Variants in CACNA2D4 observed in about 807,000 individuals in gnomAD.
CACNA2D4 encodes the protein calcium voltage-gated channel auxiliary subunit alpha2delta 4.
CACNA2D4 carries 157 observed loss-of-function variants against 163.8 expected under a neutral mutation model. That is an observed-to-expected ratio of 0.96 (90% CI 0.84 to 1.09). The LOEUF is 1.09. Ranked by LOEUF, CACNA2D4 falls within the 50% of genes least tolerant of loss-of-function variation. The pLI is 0.00. For synonymous variants in CACNA2D4, 598 were observed against 586.9 expected (o/e 1.02, Z -0.27); for missense variants, 1,410 against 1,479.9 (o/e 0.95, Z 0.78).
intron 26 of CACNA2D4, among the ~76,000 whole-genome samples, chr12:1,831,829 C>T (rs1395427472): frequency 1.4e-5 from 2 of 145,834 alleles, no homozygotes; most frequent in Non-Finnish European, 3.0e-5. Context: ...AACTGGATCT[C>T]CCTTTCTTAG....
At chr12:1,827,807 T>A in intron 26 of CACNA2D4, 1 of 298,334 alleles carries the variant, frequency 3.4e-6, no homozygotes, top group Non-Finnish European at 6.2e-6. Context: ...AGAAGGCAGA[T>A]GAGGCTGGGT....
rs1863104526 is a variant in CACNA2D4, at chr12:1,795,799, G to A, written c.3114-19C>T. On this transcript the variant is annotated intron_variant, in intron 35 of 37. Transcript: ENST00000382722. Reference sequence around the variant, plus strand: ...AAATACCCTGCAGCAAAGAAAGGGAGTCGAGGATGGCTCCGTGGCGACCAC... The same window carrying A: ...AAATACCCTGCAGCAAAGAAAGGGAATCGAGGATGGCTCCGTGGCGACCAC... 1.3e-6 allele frequency: 2 copies of A among 1,498,058 alleles called. No homozygotes were observed. Among genetic ancestry groups the A allele is most frequent in the Non-Finnish European group, 1.9e-6 (2 of 1,074,138 alleles). 92.8% of individuals were successfully genotyped at this position (1,498,058 alleles called of 1,614,324 possible).
intron 20 of CACNA2D4, among the ~76,000 whole-genome samples, chr12:1,857,462 T>G (rs1865424758): frequency 6.6e-6 from 1 of 152,162 alleles, no homozygotes; most frequent in Non-Finnish European, 1.5e-5. Context: ...GGAGAACAGC[T>G]GGAAGCTACT....
intron 6 of CACNA2D4, among the ~76,000 whole-genome samples, chr12:1,904,413 T>C (rs1866607319): frequency 1.4e-4 from 1 of 6,980 alleles, no homozygotes; most frequent in African/African-American, 2.1e-3. Flanking sequence ...CTTGAGGCAA[T>C]GGTATCCCAT....
At chr12:1,835,380 C>G (rs1296895731) in intron 26 of CACNA2D4, 1 of 152,596 alleles carries the variant, frequency 6.6e-6, no homozygotes, top group East Asian at 1.9e-4. Context: ...ACTCACACAC[C>G]CATTGCATCA....
At chr12:1,797,596 C>A in intron 34 of CACNA2D4, 61 bp from the exon 35 acceptor site, 1 of 1,259,954 alleles carries the variant, frequency 7.9e-7, no homozygotes. Context: ...GTGACCTCGC[C>A]TCGGCACTCC....
At chr12:1,877,450 C>T (rs1865906032) in intron 16 of CACNA2D4, among the ~76,000 whole-genome samples, 1 of 152,192 alleles carries the variant, frequency 6.6e-6, no homozygotes, top group Non-Finnish European at 1.5e-5. Flanking sequence ...GAGTGGCTTC[C>T]AGTGTGCCCT....
rs1312814894 is a variant in CACNA2D4, at chr12:1,918,584, C to T, written c.-111G>A. The T allele has an allele frequency of 9.1e-6, 7 of 768,932 alleles. No homozygotes were observed. Among genetic ancestry groups the T allele is most frequent in the Non-Finnish European group, 1.5e-5 (7 of 472,260 alleles). The allele number at this position is 768,932 out of a possible 1,614,324, so 47.6% of individuals were successfully genotyped here. A position where few individuals can be genotyped will look rare whatever the true frequency, so the allele number is the denominator to read the frequency against. ...TCAGTCCTGGGTGGGGAGGGCTTCT[C>T]TCTGCCCCACAGCTGCAGCTCACAG... On this transcript the variant is annotated 5_prime_UTR_variant, in exon 1 of 38. Coordinates refer to ENST00000382722, the MANE Select transcript of CACNA2D4 (RefSeq NM_172364.5).
chr12:1,881,405 T>C (rs974062955), intron 13 of CACNA2D4, among the ~76,000 whole-genome samples: 1 of 152,258 alleles, frequency 6.6e-6, no homozygotes, highest in African/African-American at 2.4e-5. Context: ...TCAGCAGGTA[T>C]GGCCTATGCC....
intron 26 of CACNA2D4, among the ~76,000 whole-genome samples, chr12:1,817,833 A>G (rs1863929121): frequency 1.3e-5 from 2 of 151,886 alleles, no homozygotes; most frequent in Admixed American, 1.3e-4. Flanking sequence ...TCGGCTCGCT[A>G]CAACCTCCAC....
intron 23 of CACNA2D4, among the ~76,000 whole-genome samples, chr12:1,850,544 T>G (rs1301460578): frequency 6.6e-6 from 1 of 152,186 alleles, no homozygotes; most frequent in Non-Finnish European, 1.5e-5. Context: ...AGTTTGTAAT[T>G]TCTCTTTTTA....
intron 9 of CACNA2D4, among the ~76,000 whole-genome samples, chr12:1,885,564 T>C (rs1399412332): frequency 3.9e-5 from 6 of 152,236 alleles, no homozygotes; most frequent in Non-Finnish European, 8.8e-5. Flanking sequence ...TGTCCTCTCC[T>C]CCTTGGTCTT....
chr12:1,803,905 C>A (rs918764279), intron 29 of CACNA2D4, among the ~76,000 whole-genome samples: 1 of 152,150 alleles, frequency 6.6e-6, no homozygotes, highest in Non-Finnish European at 1.5e-5. Context: ...GGAGTGGCAA[C>A]CTAAAGCCCT....
Position 1,828,202 on chromosome 12 carries a change from G to A in CACNA2D4, c.2551+12537C>T. The A allele has an allele frequency of 6.5e-7, 1 of 1,546,794 alleles. No homozygotes were observed. The highest frequency in any genetic ancestry group is 8.7e-7 in the Non-Finnish European group (1 of 1,145,308). On this transcript the variant is annotated intron_variant, in intron 26 of 37. Transcript: ENST00000382722. The surrounding 1 kb of genome is among the most constrained non-coding windows in gnomAD (Gnocchi z 4.2). ...AGAGGGGCAGGCTCGCCCTGCAGTG[G>A]AGGCAAGTCTCCTGTGAGTACACCC... is the stretch of plus-strand genomic sequence containing the variant.
chr12:1,799,883 C>A lies in CACNA2D4; in HGVS notation c.2974+117G>T. 7.7e-7 allele frequency: 1 copy of A among 1,298,920 alleles called. No homozygotes were observed. Among genetic ancestry groups the A allele is most frequent in the Non-Finnish European group, 1.1e-6 (1 of 925,182 alleles). The allele number at this position is 1,298,920 out of a possible 1,614,324, so 80.5% of individuals were successfully genotyped here. A position where few individuals can be genotyped will look rare whatever the true frequency, so the allele number is the denominator to read the frequency against. The stretch of plus-strand genomic sequence containing the variant: ...GCCACGCAGGGTGAGATGTGAACAA[C>A]GATGCTTCAGGGTCACCTATCCCCA... On this transcript the variant is annotated intron_variant, in intron 33 of 37. Coordinates refer to ENST00000382722, the MANE Select transcript of CACNA2D4 (RefSeq NM_172364.5). The surrounding 1 kb of genome is among the most constrained non-coding windows in gnomAD (Gnocchi z 4.7).
chr12:1,848,384 A>G (rs1034231770), intron 23 of CACNA2D4, among the ~76,000 whole-genome samples: 1 of 152,112 alleles, frequency 6.6e-6, no homozygotes, highest in African/African-American at 2.4e-5. Context: ...TGTCCCCTGC[A>G]TTGCCTGTCA....
At chr12:1,822,729 C>T (rs1864156619) in intron 26 of CACNA2D4, among the ~76,000 whole-genome samples, 1 of 152,234 alleles carries the variant, frequency 6.6e-6, no homozygotes, top group Admixed American at 6.5e-5. Flanking sequence ...AAACCTGGTT[C>T]CTTGCTGCCT....
At chr12:1,795,931 G>C (rs1863110454) in intron 35 of CACNA2D4, 151 bp from the exon 36 acceptor site, 3 of 637,144 alleles carry the variant, frequency 4.7e-6, no homozygotes, top group East Asian at 5.4e-5. Context: ...CTAAGGGAAC[G>C]GGCCTGGCAG....
Position 1,906,932 on chromosome 12 carries a change from C to T in CACNA2D4, c.781+508G>A, listed in dbSNP as rs117812124. 1.6e-3 allele frequency among the ~76,000 whole-genome samples: 250 copies of T among 152,314 alleles called. 9 individuals carry two copies. In the East Asian group the frequency reaches 0.034, roughly 21 times the overall value. ...GGGTTGGGGTGAAATGGAGAGCTGA[C>T]TTATTTTAAATGGGAATCAAAAAGA... On this transcript the variant is annotated intron_variant, in intron 6 of 37. Coordinates refer to ENST00000382722, the MANE Select transcript of CACNA2D4 (RefSeq NM_172364.5).
Sources: allele counts gnomAD v4.1 joint callset (sites outside exome capture counted in the v4.1 genomes callset), GRCh38; gene constraint gnomAD v4.1.1; non-coding constraint Gnocchi (gnomAD v3.1); transcripts MANE v1.5; gene names NCBI Gene and HGNC (gene_info 2026-07-23, HGNC 2026-07-21).